PBRM1: variants seen among roughly 807,000 people sequenced by gnomAD.
PBRM1 encodes polybromo 1, also known as protein polybromo-1.
PBRM1 carries 27 observed loss-of-function variants against 194.5 expected under a neutral mutation model. The ratio of observed to expected loss-of-function variants is 0.14; its 90% CI spans 0.10 to 0.19. The LOEUF is 0.19. Ranked by LOEUF, PBRM1 falls within the 10% of genes least tolerant of loss-of-function variation. PBRM1 has a pLI of 1.00. For synonymous variants in PBRM1, 655 were observed against 693.2 expected (o/e 0.94, Z 0.87); for missense variants, 1,466 against 2,077.2 (o/e 0.71, Z 5.72).
downstream of PBRM1, chr3:52,547,831 G>A (rs1047433237): frequency 7.4e-6 from 3 of 407,636 alleles, no homozygotes; most frequent in African/African-American, 2.1e-5. Flanking sequence ...GGTTTTAAAC[G>A]AAGGAAACAT....
intron 17 of PBRM1, among the ~76,000 whole-genome samples, chr3:52,598,213 T>A (rs938218748): frequency 6.6e-6 from 1 of 152,228 alleles, no homozygotes; most frequent in African/African-American, 2.4e-5. Context: ...AAAACAGTTA[T>A]CATTCTGACC....
chr3:52,614,040 A>G (rs2094803790), intron 15 of PBRM1, among the ~76,000 whole-genome samples: 1 of 152,134 alleles, frequency 6.6e-6, no homozygotes, highest in African/African-American at 2.4e-5. Context: ...TCATACCCAA[A>G]TCTACTATCA....
chr3:52,596,759 A>G (rs2093596891), intron 17 of PBRM1, among the ~76,000 whole-genome samples: 2 of 151,972 alleles, frequency 1.3e-5, no homozygotes, highest in African/African-American at 2.4e-5. Context: ...CCTCTCCTCA[A>G]GTGGAGGAAG....
intron 18 of PBRM1, among the ~76,000 whole-genome samples, chr3:52,588,613 G>C (rs189478120): frequency 6.7e-6 from 1 of 149,544 alleles, no homozygotes; most frequent in Admixed American, 6.7e-5. Flanking sequence ...GAGTGCAGTG[G>C]CGTGATCTCG....
At position 52,550,739 on chromosome 3, in the gene PBRM1, A is replaced by G. The variant is rs746828487; in HGVS notation, c.4680+8T>C. 6.2e-7 allele frequency: 1 copy of G among 1,606,924 alleles called. No homozygotes were observed. Among genetic ancestry groups the G allele is most frequent in the African/African-American group, 1.3e-5 (1 of 74,852 alleles). On this transcript the variant is annotated splice_region_variant and intron_variant, in intron 28 of 29. Coordinates refer to ENST00000296302, the Ensembl canonical transcript of PBRM1. ...TCAAGTCCTAGAAAATCAAACTGGGAGGCTCACCTGTTGTCCATATGGACT... is the reference window on the plus strand; with the variant it reads ...TCAAGTCCTAGAAAATCAAACTGGGGGGCTCACCTGTTGTCCATATGGACT...
downstream of PBRM1, chr3:52,547,195 G>C: frequency 4.3e-6 from 1 of 232,914 alleles, no homozygotes; most frequent in Non-Finnish European, 8.5e-6. Flanking sequence ...AAATTTATAG[G>C]CATAAATTGT....
upstream of PBRM1, among the ~76,000 whole-genome samples, chr3:52,684,028 T>G (rs1441835111): frequency 6.6e-6 from 1 of 151,560 alleles, no homozygotes; most frequent in Non-Finnish European, 1.5e-5. Flanking sequence ...ATTAGCTGGG[T>G]GTGGTGCTGC....
chr3:52,636,565 G>A (rs2095819819), intron 10 of PBRM1, among the ~76,000 whole-genome samples: 1 of 151,188 alleles, frequency 6.6e-6, no homozygotes, highest in Admixed American at 6.6e-5. Context: ...AGACCAGCCT[G>A]GCCAACATGA....
At chr3:52,563,259 G>A (rs749801458) in intron 24 of PBRM1, 24 bp downstream of exon 26, 1 of 1,584,542 alleles carries the variant, frequency 6.3e-7, no homozygotes, top group Non-Finnish European at 8.7e-7. Flanking sequence ...AATAAGATAA[G>A]TAACAGGAAC....
At chr3:52,566,726 T>C (rs1351384233) in intron 22 of PBRM1, among the ~76,000 whole-genome samples, 1 of 152,114 alleles carries the variant, frequency 6.6e-6, no homozygotes, top group Non-Finnish European at 1.5e-5. Flanking sequence ...ATTCTAGAAA[T>C]GAACAGTGGT....
exon 30 of PBRM1, chr3:52,548,191 G>C: frequency 6.2e-7 from 1 of 1,608,926 alleles, no homozygotes; most frequent in South Asian, 1.1e-5. Context: ...TGAGAGGGTA[G>C]GCGGCTCTCC....
intron 16 of PBRM1, among the ~76,000 whole-genome samples, chr3:52,608,931 G>C (rs1434761903): frequency 1.3e-5 from 2 of 151,562 alleles, no homozygotes; most frequent in African/African-American, 4.8e-5. Context: ...CAACACCTTA[G>C]AGCTATTTTA....
intron 3 of PBRM1, among the ~76,000 whole-genome samples, chr3:52,664,436 T>G (rs1440701014): frequency 8.6e-6 from 1 of 115,650 alleles, no homozygotes. Context: ...AAAAAGATTA[T>G]CTAAAAAGCA....
At position 52,550,558 on chromosome 3, in the gene PBRM1, TGTATGACAG is replaced by T. The variant is rs1430859738; in HGVS notation, c.4751_4759del (p.Pro1584_Ile1586del). 3.9e-6 allele frequency: 6 copies of T among 1,554,558 alleles called. No homozygotes were observed. The South Asian group carries it at 7.4e-5, about 19-fold the overall frequency. On this transcript the variant is annotated inframe_deletion, in exon 29 of 30. Transcript: ENST00000296302. ...TACAAACATGGGTGTTGTTGGCTGCTGTATGACAGGGGGTCCAGCTGGATGTGGGCCGGG... is the reference window on the plus strand; with the variant it reads ...TACAAACATGGGTGTTGTTGGCTGCTGGGGTCCAGCTGGATGTGGGCCGGG...
chr3:52,548,679 G>A lies in PBRM1; in HGVS notation c.4898-444C>T, dbSNP rs147369106. Among the ~76,000 whole-genome samples, 649 of 152,224 alleles carry A rather than the reference G, an allele frequency of 4.3e-3. 9 individuals carry two copies. Among genetic ancestry groups the A allele is most frequent in the African/African-American group, 0.015 (633 of 41,524 alleles). On this transcript the variant is annotated intron_variant, in intron 29 of 29. Coordinates refer to ENST00000296302, the Ensembl canonical transcript of PBRM1. Reference sequence around the variant, plus strand: ...GACCTCAGGTGATCTGCCTACCTTGGCCTCCCAAAGTGCTGGGATTACAGG... The same window carrying A: ...GACCTCAGGTGATCTGCCTACCTTGACCTCCCAAAGTGCTGGGATTACAGG...
chr3:52,669,615 G>A (rs1363720920), intron 2 of PBRM1, among the ~76,000 whole-genome samples: 2 of 152,072 alleles, frequency 1.3e-5, no homozygotes, highest in East Asian at 1.9e-4. Flanking sequence ...ACATCATGGC[G>A]ATTAAGGCTT....
chr3:52,668,942 C>T (rs778141614), intron 2 of PBRM1, among the ~76,000 whole-genome samples: 3 of 152,122 alleles, frequency 2.0e-5, no homozygotes, highest in African/African-American at 4.8e-5. Flanking sequence ...AGGGCACCAA[C>T]GCTAAACCCA....
intron 14 of PBRM1, among the ~76,000 whole-genome samples, chr3:52,616,460 G>A (rs1215722523): frequency 6.6e-6 from 1 of 152,192 alleles, no homozygotes; most frequent in Non-Finnish European, 1.5e-5. Context: ...TTGGGAGGCT[G>A]AGGCAGGGGG....
chr3:52,610,229 A>G (rs1242327220), intron 15 of PBRM1, among the ~76,000 whole-genome samples: 6 of 152,232 alleles, frequency 3.9e-5, no homozygotes, highest in African/African-American at 1.2e-4. Context: ...ACATTCTATC[A>G]CCTCTGGTAT....
Sources: gnomAD v4.1 joint callset for allele counts (sites outside exome capture counted in the v4.1 genomes callset) on GRCh38, gnomAD v4.1.1 for gene constraint, MANE v1.5 for transcripts, NCBI Gene and HGNC (gene_info 2026-07-23, HGNC 2026-07-21) for gene names.